RBFOX1: variants seen among roughly 807,000 people sequenced by gnomAD.
The protein encoded by RBFOX1 is RNA binding protein fox-1 homolog 1.
Under a neutral mutation model 57.7 loss-of-function variants are expected in RBFOX1, and 8 were observed. That is an observed-to-expected ratio of 0.14 (90% CI 0.08 to 0.25). The LOEUF is 0.25. Ranked by LOEUF, RBFOX1 falls within the 10% of genes least tolerant of loss-of-function variation. The pLI, the probability that RBFOX1 is intolerant of heterozygous loss-of-function variation, is 1.00. For missense variants in RBFOX1, 611 were observed against 548.5 expected (o/e 1.11, Z -1.14); for synonymous variants, 326 against 222.4 (o/e 1.47, Z -4.15).
chr16:7,628,815 G>C (rs2060479859), intron 10 of RBFOX1, among the ~76,000 whole-genome samples: 1 of 152,114 alleles, frequency 6.6e-6, no homozygotes, highest in African/African-American at 2.4e-5. Context: ...ATTTCACCAT[G>C]TTGGCCAGGC....
chr16:6,947,742 CT>C (rs1471920991), intron 3 of RBFOX1, among the ~76,000 whole-genome samples: 3 of 152,126 alleles, frequency 2.0e-5, no homozygotes, highest in Non-Finnish European at 4.4e-5. Context: ...AGGTGGCTTT[CT>C]TTTTTAGCTA....
chr16:6,040,339 A>G (rs2095422600), intron 1 of RBFOX1, among the ~76,000 whole-genome samples: 1 of 152,300 alleles, frequency 6.6e-6, no homozygotes, highest in Non-Finnish European at 1.5e-5. Context: ...GAAACTCTGT[A>G]CCCATTAAAA....
chr16:7,676,079 G>T (rs1255896107), intron 13 of RBFOX1, among the ~76,000 whole-genome samples: 1 of 152,058 alleles, frequency 6.6e-6, no homozygotes, highest in Non-Finnish European at 1.5e-5. Context: ...GATTTTTTCT[G>T]TTAATGATTT....
At chr16:6,241,867 C>G (rs2097541805) in intron 1 of RBFOX1, among the ~76,000 whole-genome samples, 1 of 152,106 alleles carries the variant, frequency 6.6e-6, no homozygotes, top group Non-Finnish European at 1.5e-5. Context: ...CTGCAAAAGC[C>G]CAACACATTG....
At chr16:7,456,147 C>G (rs1418007859) in intron 4 of RBFOX1, among the ~76,000 whole-genome samples, 2 of 152,130 alleles carry the variant, frequency 1.3e-5, no homozygotes, top group East Asian at 1.9e-4. Context: ...AATTATGTGG[C>G]CAATCCTGAT....
Position 6,896,930 on chromosome 16 carries a change from C to T in RBFOX1, c.-15-155127C>T, listed in dbSNP as rs138095560. Among the ~76,000 whole-genome samples the T allele has an allele frequency of 4.7e-3, 718 of 152,094 alleles. 5 individuals carry two copies. The highest frequency in any genetic ancestry group is 0.016 in the African/African-American group (671 of 41,478). Reference sequence around the variant, plus strand: ...AAAAAATGCATTTGGTGAAAGAAAGCAAAGAAACTCTGCCACAACTCAGAA... The same window carrying T: ...AAAAAATGCATTTGGTGAAAGAAAGTAAAGAAACTCTGCCACAACTCAGAA... On this transcript the variant is annotated intron_variant, in intron 3 of 15. Transcript: ENST00000550418.
At chr16:6,510,867 A>T (rs1159108618) in intron 2 of RBFOX1, among the ~76,000 whole-genome samples, 2 of 151,228 alleles carry the variant, frequency 1.3e-5, no homozygotes, top group South Asian at 4.2e-4. Context: ...AAAAAAAAAA[A>T]GGAAAAAAAG....
In RBFOX1 at chr16:5,746,309, T is replaced by C. The variant is rs62014098; in HGVS notation, c.319-120994T>C. The stretch of plus-strand genomic sequence containing the variant: ...TTCCATTGGTCTATATCTCTGTTTT[T>C]GTACCAGTACCATGCTGTTTTGGTT... On this transcript the variant is annotated intron_variant, in intron 3 of 19. Transcript: ENST00000641259. Among the ~76,000 whole-genome samples the C allele has an allele frequency of 5.3e-3, 812 of 152,268 alleles. 8 individuals carry two copies. Among genetic ancestry groups the C allele is most frequent in the African/African-American group, 0.018 (763 of 41,552 alleles).
intron 3 of RBFOX1, among the ~76,000 whole-genome samples, chr16:7,002,998 G>C (rs554402953): frequency 6.6e-6 from 1 of 151,450 alleles, no homozygotes; most frequent in Non-Finnish European, 1.5e-5. Flanking sequence ...TCCAAACTAT[G>C]AGTGGATCTT....
At chr16:5,724,722 G>A (rs879708749) in intron 3 of RBFOX1, among the ~76,000 whole-genome samples, 4 of 152,142 alleles carry the variant, frequency 2.6e-5, no homozygotes, top group South Asian at 2.1e-4. Flanking sequence ...AAGGTAACAG[G>A]TGAGGACCCA....
intron 2 of RBFOX1, among the ~76,000 whole-genome samples, chr16:6,595,604 T>C (rs567345734): frequency 2.0e-5 from 3 of 152,290 alleles, no homozygotes; most frequent in Admixed American, 1.3e-4. Flanking sequence ...TCATATGGAC[T>C]CTATTTTTAA....
Position 6,709,834 on chromosome 16 carries a change from C to G in RBFOX1, c.-16+55184C>G, listed in dbSNP as rs77670543. ...AGAGCTTTCAGGCCAGATCAGAACG[C>G]TGGCTGGTACACAACCGGAAGGTAT... On this transcript the variant is annotated intron_variant, in intron 3 of 15. Transcript: ENST00000550418. Among the ~76,000 whole-genome samples, 194 of 152,228 alleles carry G rather than the reference C, an allele frequency of 1.3e-3. 1 individual carries two copies. Among genetic ancestry groups the G allele is most frequent in the African/African-American group, 4.5e-3 (188 of 41,536 alleles).
chr16:6,783,006 C>T (rs962316634), intron 3 of RBFOX1, among the ~76,000 whole-genome samples: 1 of 151,976 alleles, frequency 6.6e-6, no homozygotes, highest in African/African-American at 2.4e-5. Flanking sequence ...TCTCTTTTTA[C>T]AGATTTTGTC....
intron 1 of RBFOX1, among the ~76,000 whole-genome samples, chr16:6,265,190 G>A (rs978222236): frequency 6.6e-6 from 1 of 152,080 alleles, no homozygotes. Context: ...GCACACTCAC[G>A]TGTTTGTCTG....
At chr16:7,153,634 C>T (rs1446001776) in intron 4 of RBFOX1, among the ~76,000 whole-genome samples, 1 of 150,488 alleles carries the variant, frequency 6.6e-6, no homozygotes, top group Non-Finnish European at 1.5e-5. Context: ...CCTATAATTC[C>T]AGCTACTTGG....
intron 2 of RBFOX1, among the ~76,000 whole-genome samples, chr16:5,483,092 G>T (rs956061337): frequency 2.0e-5 from 3 of 152,130 alleles, no homozygotes; most frequent in African/African-American, 7.2e-5. Flanking sequence ...CTGTAGCCCT[G>T]AGTAGGGGAG....
At position 6,309,246 on chromosome 16, in the gene RBFOX1, T is replaced by C. The variant is rs17139806; in HGVS notation, c.-126-7749T>C. ...TTGGAGCCAACTAAAAAGAGCCTCA[T>C]TGCCTTACACACACCCTGTTATCTC... On this transcript the variant is annotated intron_variant, in intron 1 of 15. Coordinates refer to ENST00000550418, the MANE Select transcript of RBFOX1 (RefSeq NM_018723.4). 2.1e-3 allele frequency among the ~76,000 whole-genome samples: 316 copies of C among 152,216 alleles called. 6 individuals carry two copies. Among genetic ancestry groups the C allele is most frequent in the African/African-American group, 6.9e-3 (286 of 41,546 alleles).
At chr16:5,934,710 T>C (rs1275439285) in intron 4 of RBFOX1, among the ~76,000 whole-genome samples, 1 of 152,240 alleles carries the variant, frequency 6.6e-6, no homozygotes, top group East Asian at 1.9e-4. Flanking sequence ...ATGTGCCCCA[T>C]AAATATGTAT....
chr16:5,377,003 T>G (rs1194190066), intron 1 of RBFOX1, among the ~76,000 whole-genome samples: 2 of 150,882 alleles, frequency 1.3e-5, no homozygotes, highest in African/African-American at 4.9e-5. Flanking sequence ...CTAAATAAAC[T>G]ACCTGTACTC....
Sources: allele counts gnomAD v4.1 joint callset (sites outside exome capture counted in the v4.1 genomes callset), GRCh38; gene constraint gnomAD v4.1.1; transcripts MANE v1.5; gene names NCBI Gene and HGNC (gene_info 2026-07-23, HGNC 2026-07-21).